Variants in NR4A3 observed in about 807,000 individuals in gnomAD.
NR4A3 encodes the protein chondrosarcoma, extraskeletal myxoid, fused to EWS.
A neutral mutation model predicts 55.6 loss-of-function variants in NR4A3; 13 were observed. That is an observed-to-expected ratio of 0.23 (90% CI 0.15 to 0.37). The LOEUF (loss-of-function observed/expected upper bound fraction) is 0.37. NR4A3 is among the 10% of genes least tolerant of loss of function. NR4A3 has a pLI of 1.00. For synonymous variants in NR4A3, 342 were observed against 357.9 expected, an observed-to-expected ratio of 0.96 and a Z score of 0.50; for missense variants, 646 against 822.8, an observed-to-expected ratio of 0.79 and a Z score of 2.63.
chr9:99,832,830 A>G lies in NR4A3; in HGVS notation c.1081+12A>G. 2 of 1,533,814 alleles carry G rather than the reference A, an allele frequency of 1.3e-6. No homozygotes were observed. The highest frequency in any genetic ancestry group is 1.3e-5 in the South Asian group (1 of 78,928). On this transcript the variant is annotated intron_variant, in intron 4 of 7. Transcript: ENST00000395097. ...AATGGTAAAAGAAGGTATGGATATA[A>G]TGCTTTTTACCCAGTTTGCTTATAC...
Position 99,844,779 on chromosome 9 carries a change from C to A in NR4A3, c.1385C>A (p.Pro462His), listed in dbSNP as rs201635468. 3 of 1,613,848 alleles carry A rather than the reference C, an allele frequency of 1.9e-6. No homozygotes were observed. The African/African-American group carries it at 4.0e-5, about 22-fold the overall frequency. Residue 462 changes from proline to histidine, a missense_variant, in exon 6 of 8, where the codon CCC becomes CAC. This residue lies in a region of NR4A3 where 163 missense variants were observed against 233.0 expected (regional missense o/e 0.70). Transcript: ENST00000395097. ...AEKIPGFTDL[P>H]KEDQTLLIES... The stretch of plus-strand genomic sequence containing the variant: ...AAGATTCCGGGATTTACTGATCTCC[C>A]CAAAGAAGATCAGACATTACTTATT...
At chr9:99,851,390 T>A (rs2416879) in intron 7 of NR4A3, among the ~76,000 whole-genome samples, 2 of 152,194 alleles carry the variant, frequency 1.3e-5, no homozygotes, top group Non-Finnish European at 2.9e-5. Context: ...CTGGGCTATT[T>A]ACATTACAAA....
At chr9:99,857,414 C>G (rs773817493) in intron 7 of NR4A3, among the ~76,000 whole-genome samples, 18 of 152,132 alleles carry the variant, frequency 1.2e-4, no homozygotes, top group Non-Finnish European at 2.1e-4. Context: ...TCGTTTACTT[C>G]TCATAACAAC....
At chr9:99,852,460 A>C (rs1170038791) in intron 7 of NR4A3, among the ~76,000 whole-genome samples, 1 of 152,142 alleles carries the variant, frequency 6.6e-6, no homozygotes, top group Non-Finnish European at 1.5e-5. Flanking sequence ...TGGGAAAGTT[A>C]AATGATTTTC....
chr9:99,856,521 A>G (rs534017321), intron 7 of NR4A3, among the ~76,000 whole-genome samples: 116 of 152,288 alleles, frequency 7.6e-4, no homozygotes, highest in Non-Finnish European at 1.4e-3. Context: ...ACCAATACCA[A>G]TTGGGGACCC....
chr9:99,847,639 G>T (rs373056476), intron 7 of NR4A3, 24 bp downstream of exon 7: 1 of 1,607,038 alleles, frequency 6.2e-7, no homozygotes, highest in Non-Finnish European at 8.5e-7. Flanking sequence ...TGCCAAAACC[G>T]CATCCTCATT....
At chr9:99,862,200 C>T (rs1828018826) in intron 7 of NR4A3, among the ~76,000 whole-genome samples, 2 of 151,924 alleles carry the variant, frequency 1.3e-5, no homozygotes, top group African/African-American at 2.4e-5. Context: ...TGTAAATGTA[C>T]TGAGAGAAGA....
At chr9:99,838,590 T>A (rs1827600122) in intron 5 of NR4A3, among the ~76,000 whole-genome samples, 1 of 152,252 alleles carries the variant, frequency 6.6e-6, no homozygotes, top group Admixed American at 6.5e-5. Flanking sequence ...CCATTATCTC[T>A]CCAGGCTTCT....
At chr9:99,861,110 T>C (rs1290535944) in intron 7 of NR4A3, among the ~76,000 whole-genome samples, 1 of 152,254 alleles carries the variant, frequency 6.6e-6, no homozygotes, top group African/African-American at 2.4e-5. Flanking sequence ...TAGGTCTGTC[T>C]AACTCCAGGG....
intron 6 of NR4A3, among the ~76,000 whole-genome samples, chr9:99,846,733 C>T (rs1377670178): frequency 3.9e-5 from 6 of 152,234 alleles, no homozygotes; most frequent in South Asian, 2.1e-4. Flanking sequence ...CTGCAACCTC[C>T]GCCTCCCAGG....
chr9:99,852,970 T>C (rs1827876797), intron 7 of NR4A3, among the ~76,000 whole-genome samples: 1 of 152,086 alleles, frequency 6.6e-6, no homozygotes, highest in African/African-American at 2.4e-5. Context: ...CGGGGCAAAA[T>C]AGTTAAAAAC....
At chr9:99,845,322 C>T (rs1172967875) in intron 6 of NR4A3, among the ~76,000 whole-genome samples, 1 of 152,178 alleles carries the variant, frequency 6.6e-6, no homozygotes, top group East Asian at 1.9e-4. Context: ...CACACCTTCT[C>T]AACCCCCAGT....
intron 5 of NR4A3, 25 bp downstream of exon 5, chr9:99,833,479 C>A (rs746800197): frequency 6.2e-7 from 1 of 1,613,892 alleles, no homozygotes; most frequent in Non-Finnish European, 8.5e-7. Context: ...TTCCTGCTTT[C>A]AAATGAATGA....
intron 5 of NR4A3, chr9:99,835,041 G>A: frequency 2.3e-6 from 1 of 444,054 alleles, no homozygotes; most frequent in South Asian, 9.4e-5. Flanking sequence ...ACCCTTTGAT[G>A]CCTCAGTTTT....
At chr9:99,834,659 G>A in intron 5 of NR4A3, 1 of 330,250 alleles carries the variant, frequency 3.0e-6, no homozygotes, top group Non-Finnish European at 4.3e-6. Context: ...CTGGCAAACA[G>A]TGTGAGTGTG....
chr9:99,841,425 T>A (rs1252626218), intron 5 of NR4A3, among the ~76,000 whole-genome samples: 1 of 152,168 alleles, frequency 6.6e-6, no homozygotes, highest in African/African-American at 2.4e-5. Context: ...CCAGATGTTA[T>A]AGGATCTTAG....
chr9:99,849,746 A>C (rs964934550), intron 7 of NR4A3, among the ~76,000 whole-genome samples: 2 of 152,268 alleles, frequency 1.3e-5, no homozygotes, highest in African/African-American at 4.8e-5. Flanking sequence ...TGTTGAGTCT[A>C]GTTAATCAAC....
chr9:99,823,164 C>T (rs886568233), intron 1 of NR4A3, among the ~76,000 whole-genome samples: 2 of 152,058 alleles, frequency 1.3e-5, no homozygotes, highest in African/African-American at 4.8e-5. Flanking sequence ...GACGTTGGCT[C>T]GGTGTGGGAA....
chr9:99,833,270 T>C lies in NR4A3; in HGVS notation c.1082-12T>C. The C allele has an allele frequency of 6.4e-7, 1 of 1,569,352 alleles. No homozygotes were observed. Among genetic ancestry groups the C allele is most frequent in the Non-Finnish European group, 8.6e-7 (1 of 1,159,932 alleles). On this transcript the variant is annotated splice_polypyrimidine_tract_variant and intron_variant, in intron 4 of 7. Transcript: ENST00000395097. ...CTTTGAAGATTGTTTTCTTTGTCTC[T>C]TTTGGCATCAGTTGTCCGTACAGAT...
Sources: allele counts gnomAD v4.1 joint callset (sites outside exome capture counted in the v4.1 genomes callset), GRCh38; gene constraint gnomAD v4.1.1; regional missense constraint gnomAD v4.1.1; transcripts MANE v1.5; gene names NCBI Gene and HGNC (gene_info 2026-07-23, HGNC 2026-07-21).